Variants in TULP3 observed in about 807,000 individuals in gnomAD.
The protein encoded by TULP3 is tubby-related protein 3.
A neutral mutation model predicts 50.7 loss-of-function variants in TULP3; 38 were observed. The ratio of observed to expected loss-of-function variants is 0.75; its 90% CI spans 0.58 to 0.98. TULP3 has a LOEUF of 0.98. TULP3 is among the 50% of genes least tolerant of loss of function. The probability of loss-of-function intolerance (pLI) is 0.00; values close to 1 mark genes in which losing one functional copy is unlikely to be tolerated. For missense variants in TULP3, 550 were observed against 568.0 expected, an observed-to-expected ratio of 0.97 and a Z score of 0.32; for synonymous variants, 183 against 196.6, an observed-to-expected ratio of 0.93 and a Z score of 0.58.
intron 1 of TULP3, among the ~76,000 whole-genome samples, chr12:2,899,177 A>G (rs1445024828): frequency 6.6e-6 from 1 of 151,714 alleles, no homozygotes; most frequent in East Asian, 2.0e-4. Context: ...GAAACCATGT[A>G]TCTACTAAAA....
At chr12:2,916,612 G>A (rs1164137638) in intron 2 of TULP3, among the ~76,000 whole-genome samples, 1 of 152,090 alleles carries the variant, frequency 6.6e-6, no homozygotes, top group Non-Finnish European at 1.5e-5. Context: ...ACTCTATCTT[G>A]GTAATGAGTC....
chr12:2,898,353 T>TG, intron 1 of TULP3, among the ~76,000 whole-genome samples: 1 of 152,254 alleles, frequency 6.6e-6, no homozygotes, highest in African/African-American at 2.4e-5. Flanking sequence ...TTTTTTCAGA[T>TG]GGGGTCTTGC....
At chr12:2,937,558 C>T (rs1008297542) in intron 8 of TULP3, 73 bp from the exon 9 acceptor site, 1 of 1,060,526 alleles carries the variant, frequency 9.4e-7, no homozygotes, top group East Asian at 2.6e-5. Flanking sequence ...CCAAGAAAGT[C>T]TCATGTTATA....
intron 2 of TULP3, among the ~76,000 whole-genome samples, chr12:2,917,028 A>G (rs1045324500): frequency 6.6e-6 from 1 of 152,186 alleles, no homozygotes; most frequent in Non-Finnish European, 1.5e-5. Flanking sequence ...TTAGTTTGTC[A>G]GTGAACTGGA....
chr12:2,940,827 C>T lies in TULP3; in HGVS notation c.*1383C>T. ...GACTGTTTCCATCTCAGGCATGTAT[C>T]CCACCAAGTGCCTCCCTCACAGCCA... On this transcript the variant is annotated 3_prime_UTR_variant, in exon 11 of 11. Transcript: ENST00000448120. The T allele has an allele frequency of 9.1e-7, 1 of 1,098,954 alleles. No individual in the cohort carries two copies. Among genetic ancestry groups the T allele is most frequent in the Non-Finnish European group, 1.3e-6 (1 of 774,786 alleles). The allele number at this position is 1,098,954 out of a possible 1,614,324, so 68.1% of individuals were successfully genotyped here. A position where few individuals can be genotyped will look rare whatever the true frequency, so the allele number is the denominator to read the frequency against.
chr12:2,932,241 A>T (rs1335538201), intron 6 of TULP3, among the ~76,000 whole-genome samples: 1 of 151,986 alleles, frequency 6.6e-6, no homozygotes, highest in African/African-American at 2.4e-5. Flanking sequence ...GTGCTTCACC[A>T]GATGTGGTTG....
rs2098197830 is a variant in TULP3 at position 2,931,171 on chromosome 12, T to C, written c.627T>C (p.Asp209=). 1 of 1,614,042 alleles carries C rather than the reference T, an allele frequency of 6.2e-7. No homozygotes were observed. ...CAGTAAGATGTCGGATAATCCGGGA[T>C]AAAAGGGGAATGGATCGGGGTCTCT... is the stretch of plus-strand genomic sequence containing the variant. ...GVTVRCRIIR[D]KRGMDRGLFP... is the part of the protein sequence containing the mutation. The change falls in exon 6 of 11, where the codon GAT becomes GAC. Residue 209 remains aspartate, a synonymous_variant. Coordinates refer to ENST00000448120, the MANE Select transcript of TULP3 (RefSeq NM_003324.5).
At chr12:2,929,637 C>A (rs908977404) in intron 4 of TULP3, among the ~76,000 whole-genome samples, 19 of 151,872 alleles carry the variant, frequency 1.3e-4, no homozygotes, top group African/African-American at 3.4e-4. Context: ...GTCTCCCAGG[C>A]TATAGTACAG....
chr12:2,903,814 CTGTTGCCCAGGCT>C (rs2098180645), intron 1 of TULP3, among the ~76,000 whole-genome samples: 1 of 152,008 alleles, frequency 6.6e-6, no homozygotes, highest in African/African-American at 2.4e-5. Context: ...AAGCCTAGCT[CTGTTGCCCAGGCT>C]GGAGTGCAGT....
intron 1 of TULP3, among the ~76,000 whole-genome samples, chr12:2,894,067 G>T (rs1183302169): frequency 1.3e-5 from 2 of 152,070 alleles, no homozygotes; most frequent in African/African-American, 4.8e-5. Flanking sequence ...GGGTTGGCTG[G>T]TGCTGGAACT....
intron 1 of TULP3, among the ~76,000 whole-genome samples, chr12:2,904,356 G>A (rs996034680): frequency 3.3e-5 from 5 of 152,076 alleles, no homozygotes; most frequent in Non-Finnish European, 7.4e-5. Context: ...ATATCTATCT[G>A]AGATGGAATC....
At position 2,939,847 on chromosome 12, in the gene TULP3, C is replaced by T; in HGVS notation, c.*403C>T. On this transcript the variant is annotated 3_prime_UTR_variant, in exon 11 of 11. Transcript: ENST00000448120. The surrounding 1 kb of genome is among the most constrained non-coding windows in gnomAD (Gnocchi z 4.0). ...GCACTCTCACTCCTTTTCCAGGTTT[C>T]ATAGACTTGGTGAGGGATCACAGCT... 1 of 1,194,848 alleles carries T rather than the reference C, an allele frequency of 8.4e-7. No homozygotes were observed. The highest frequency in any genetic ancestry group is 1.5e-5 in the South Asian group (1 of 64,710). The allele number at this position is 1,194,848 out of a possible 1,614,324, so 74.0% of individuals were successfully genotyped here.
intron 8 of TULP3, 134 bp downstream of exon 8, chr12:2,934,695 T>G: frequency 2.0e-6 from 1 of 499,142 alleles, no homozygotes; most frequent in South Asian, 4.1e-5. Flanking sequence ...TACCATTTTC[T>G]CCATGTATTT....
chr12:2,916,072 C>T (rs1488837364), intron 2 of TULP3, among the ~76,000 whole-genome samples: 9 of 152,000 alleles, frequency 5.9e-5, no homozygotes, highest in African/African-American at 1.2e-4. Context: ...TGCAATGGCG[C>T]GATCTTGGCT....
At chr12:2,900,657 T>A (rs957240744) in intron 1 of TULP3, among the ~76,000 whole-genome samples, 5 of 151,980 alleles carry the variant, frequency 3.3e-5, no homozygotes, top group African/African-American at 1.2e-4. Flanking sequence ...TTTGTGTATA[T>A]CCTTCTGGAA....
At chr12:2,901,546 T>A (rs907039417) in intron 1 of TULP3, among the ~76,000 whole-genome samples, 1 of 151,754 alleles carries the variant, frequency 6.6e-6, no homozygotes, top group Non-Finnish European at 1.5e-5. Flanking sequence ...CACACCTGGC[T>A]TATTTTTTGT....
At chr12:2,925,443 A>G (rs1476724798) in intron 4 of TULP3, among the ~76,000 whole-genome samples, 1 of 152,122 alleles carries the variant, frequency 6.6e-6, no homozygotes, top group Non-Finnish European at 1.5e-5. Flanking sequence ...ACCAGGAGGA[A>G]GGGAGGGGGT....
At chr12:2,913,102 T>C (rs2098186562) in intron 2 of TULP3, among the ~76,000 whole-genome samples, 1 of 151,800 alleles carries the variant, frequency 6.6e-6, no homozygotes, top group Non-Finnish European at 1.5e-5. Context: ...CCAACACTTG[T>C]TATTGTCTGT....
intron 2 of TULP3, among the ~76,000 whole-genome samples, chr12:2,915,930 C>T (rs1448397739): frequency 1.3e-5 from 2 of 152,150 alleles, no homozygotes; most frequent in African/African-American, 4.8e-5. Context: ...GGAAAACTGT[C>T]ATAGTGTAAC....
Sources: allele counts gnomAD v4.1 joint callset (sites outside exome capture counted in the v4.1 genomes callset), GRCh38; gene constraint gnomAD v4.1.1; non-coding constraint Gnocchi (gnomAD v3.1); transcripts MANE v1.5; gene names NCBI Gene and HGNC (gene_info 2026-07-23, HGNC 2026-07-21).